Variants in INVS observed in about 807,000 individuals in gnomAD.
INVS encodes inversion of embryo turning homolog.
A neutral mutation model predicts 108.8 loss-of-function variants in INVS; 86 were observed. The observed-to-expected ratio is 0.79, with a 90% CI of 0.66 to 0.95. The LOEUF (loss-of-function observed/expected upper bound fraction) is 0.95, where lower values mean the gene tolerates loss of function less well. Ranked by LOEUF, INVS falls within the 40% of genes least tolerant of loss-of-function variation. The pLI, the probability that INVS is intolerant of heterozygous loss-of-function variation, is 0.00. For missense variants in INVS, 1,169 were observed against 1,297.4 expected, an observed-to-expected ratio of 0.90 and a Z score of 1.52; for synonymous variants, 455 against 473.5, an observed-to-expected ratio of 0.96 and a Z score of 0.51.
chr9:100,299,555 A>AACACACACACACACACACACACACACAC (rs55800849), intron 16 of INVS, among the ~76,000 whole-genome samples: 3 of 125,642 alleles, frequency 2.4e-5, no homozygotes, highest in Non-Finnish European at 5.3e-5. Flanking sequence ...ATTGACACAC[A>AACACACACACACACACACACACACACAC]ACACACACAC....
In INVS at chr9:100,252,431, C is replaced by T. The variant is rs1369934373; in HGVS notation, c.1227C>T (p.Leu409=). ...EMGHKDVIQT[L]IKGGARVDLV... ...GACACAAAGATGTGATTCAGACACT[C>T]ATTAAAGGTGGGCTAATAAGAGTAC... Residue 409 remains leucine (L), a synonymous_variant, in exon 9 of 17, where the codon CTC becomes CTT. Coordinates refer to ENST00000262457, the MANE Select transcript of INVS (RefSeq NM_014425.5). 4 of 1,613,734 alleles carry T rather than the reference C, an allele frequency of 2.5e-6. No individual in the cohort carries two copies. The South Asian group carries it at 3.3e-5, about 13-fold the overall frequency.
chr9:100,259,828 G>A (rs1832557108), intron 10 of INVS, among the ~76,000 whole-genome samples: 1 of 151,840 alleles, frequency 6.6e-6, no homozygotes, highest in East Asian at 1.9e-4. Flanking sequence ...GGGATTACAG[G>A]CATGAGCCAC....
At chr9:100,286,065 C>A (rs140703681) in intron 13 of INVS, among the ~76,000 whole-genome samples, 5 of 152,250 alleles carry the variant, frequency 3.3e-5, no homozygotes, top group African/African-American at 9.6e-5. Context: ...TTGGACAGTT[C>A]AATCTGTTTC....
chr9:100,252,932 C>T lies in INVS; in HGVS notation c.1260C>T (p.Asp420=). The change falls in exon 10 of 17, where the codon GAC becomes GAT. Residue 420 remains aspartate, a synonymous_variant. Transcript: ENST00000262457. ...GTGGAGCAAGGGTAGATCTAGTTGACCAAGATGGACATTCTCTTCTACATT... is the reference window on the plus strand; with the variant it reads ...GTGGAGCAAGGGTAGATCTAGTTGATCAAGATGGACATTCTCTTCTACATT... The part of the protein sequence containing the change: ...IKGGARVDLV[D]QDGHSLLHWA... 6.2e-7 allele frequency: 1 copy of T among 1,613,328 alleles called. No individual in the cohort carries two copies. The highest frequency in any genetic ancestry group is 2.2e-5 in the East Asian group (1 of 44,850).
At chr9:100,241,015 A>T (rs535228584) in intron 6 of INVS, among the ~76,000 whole-genome samples, 2 of 152,164 alleles carry the variant, frequency 1.3e-5, no homozygotes, top group Non-Finnish European at 2.9e-5. Flanking sequence ...AAATGCATCT[A>T]TTGATTCCCA....
intron 3 of INVS, among the ~76,000 whole-genome samples, chr9:100,143,791 T>C (rs931937555): frequency 2.0e-5 from 3 of 151,924 alleles, no homozygotes; most frequent in African/African-American, 7.3e-5. Context: ...CTGCAACAGT[T>C]ATGGAGGCAA....
intron 14 of INVS, among the ~76,000 whole-genome samples, chr9:100,293,608 T>C (rs568479807): frequency 6.6e-6 from 1 of 152,352 alleles, no homozygotes; most frequent in African/African-American, 2.4e-5. Flanking sequence ...TATGTAAACC[T>C]GTCTGAGCAT....
chr9:100,138,916 G>C (rs1438292760), intron 3 of INVS, among the ~76,000 whole-genome samples: 2 of 151,962 alleles, frequency 1.3e-5, no homozygotes, highest in African/African-American at 4.8e-5. Flanking sequence ...ATGTTGGTCA[G>C]GCTGGTCTTG....
intron 3 of INVS, among the ~76,000 whole-genome samples, chr9:100,151,384 T>C (rs1828803112): frequency 1.3e-5 from 2 of 152,020 alleles, no homozygotes; most frequent in African/African-American, 4.8e-5. Context: ...GAGGCTGAGA[T>C]GGGAGTATCA....
intron 11 of INVS, among the ~76,000 whole-genome samples, chr9:100,270,501 T>C (rs1350379866): frequency 6.6e-6 from 1 of 151,892 alleles, no homozygotes; most frequent in East Asian, 1.9e-4. Context: ...TCCCAGCACT[T>C]TGGGAGGCCG....
intron 3 of INVS, among the ~76,000 whole-genome samples, chr9:100,203,613 C>G (rs1457706965): frequency 6.6e-6 from 1 of 151,126 alleles, no homozygotes; most frequent in African/African-American, 2.4e-5. Context: ...AGCGATTCTC[C>G]TGCCTCAGCC....
intron 10 of INVS, among the ~76,000 whole-genome samples, chr9:100,259,149 GC>G (rs1832525467): frequency 6.6e-6 from 1 of 152,150 alleles, no homozygotes; most frequent in Non-Finnish European, 1.5e-5. Context: ...CCTCGCTGCT[GC>G]CTTGCAGTTC....
chr9:100,185,582 C>T (rs1830035479), intron 3 of INVS, among the ~76,000 whole-genome samples: 1 of 131,956 alleles, frequency 7.6e-6, no homozygotes. Context: ...TTTTATAGTG[C>T]AAGTGGTTTT....
chr9:100,177,695 G>A (rs962162842), intron 3 of INVS, among the ~76,000 whole-genome samples: 3 of 152,224 alleles, frequency 2.0e-5, no homozygotes, highest in African/African-American at 7.2e-5. Flanking sequence ...AGCTGTGGAT[G>A]CATCTTCAGC....
chr9:100,167,489 C>G (rs1308437882), intron 3 of INVS, among the ~76,000 whole-genome samples: 1 of 152,096 alleles, frequency 6.6e-6, no homozygotes, highest in Non-Finnish European at 1.5e-5. Flanking sequence ...AACTCCCTTG[C>G]TTTCATTAGT....
intron 2 of INVS, among the ~76,000 whole-genome samples, chr9:100,119,173 T>A (rs846754): frequency 0.46 from 70,708 of 152,072 alleles, 17,739 homozygotes; most frequent in East Asian, 0.9. Flanking sequence ...TTCAACTTTG[T>A]TCTTTTTTTC....
chr9:100,133,055 A>G (rs1828100887), intron 3 of INVS, among the ~76,000 whole-genome samples: 1 of 152,180 alleles, frequency 6.6e-6, no homozygotes, highest in Non-Finnish European at 1.5e-5. Context: ...CAGTGAGCGG[A>G]TATTGCACCA....
chr9:100,221,057 C>T (rs1831132531), intron 3 of INVS, among the ~76,000 whole-genome samples: 1 of 151,922 alleles, frequency 6.6e-6, no homozygotes, highest in Non-Finnish European at 1.5e-5. Flanking sequence ...ATAAGAACTC[C>T]TCAGTTCAAG....
rs111582923 is a variant in INVS at position 100,109,383 on chromosome 9, C to A, written c.106+4756C>A. Among the ~76,000 whole-genome samples the A allele has an allele frequency of 7.7e-3, 1,173 of 152,214 alleles. 7 individuals are homozygous for A. The highest frequency in any genetic ancestry group is 0.014 in the Middle Eastern group (4 of 292). ...ACTGTTATTGTTATGTCAGCTTAGA[C>A]TAAAATAATCAAGTTTTTCATAGCT... On this transcript the variant is annotated intron_variant, in intron 2 of 16. Transcript: ENST00000262457.
Sources: gnomAD v4.1 joint callset for allele counts (sites outside exome capture counted in the v4.1 genomes callset) on GRCh38, gnomAD v4.1.1 for gene constraint, MANE v1.5 for transcripts, NCBI Gene and HGNC (gene_info 2026-07-23, HGNC 2026-07-21) for gene names.